The following PIP5K1B variants were observed in gnomAD, a reference collection of about 807,000 sequenced individuals.
The protein encoded by PIP5K1B is phosphatidylinositol 4-phosphate 5-kinase type-1 beta.
PIP5K1B carries 42 observed loss-of-function variants against 67.0 expected under a neutral mutation model. That is an observed-to-expected ratio of 0.63 (90% CI 0.49 to 0.81). The LOEUF (loss-of-function observed/expected upper bound fraction) is 0.81. Ranked by LOEUF, PIP5K1B falls within the 30% of genes least tolerant of loss-of-function variation. The pLI is 0.00. For missense variants in PIP5K1B, 459 were observed against 646.3 expected (o/e 0.71, Z 3.14); for synonymous variants, 214 against 231.4 (o/e 0.92, Z 0.68).
chr9:68,838,952 G>T (rs1402903730), intron 4 of PIP5K1B, among the ~76,000 whole-genome samples: 2 of 152,074 alleles, frequency 1.3e-5, no homozygotes, highest in African/African-American at 2.4e-5. Context: ...AGATGAATGG[G>T]ATCATTTTAT....
At chr9:68,771,746 T>C (rs747961222) in intron 2 of PIP5K1B, among the ~76,000 whole-genome samples, 2 of 152,218 alleles carry the variant, frequency 1.3e-5, no homozygotes, top group East Asian at 3.8e-4. Context: ...AAGGTTACTA[T>C]CTTAGACTTA....
chr9:68,768,455 GAGCAGTGATCATCAAGGGGCAGAAGA>G (rs1830536246), intron 2 of PIP5K1B, among the ~76,000 whole-genome samples: 1 of 152,168 alleles, frequency 6.6e-6, no homozygotes, highest in South Asian at 2.1e-4. Flanking sequence ...GGACTTTATG[GAGCAGTGATCATCAAGGGGCAGAAGA>G]GGAATTCACA....
rs1157521827 is a variant in PIP5K1B at position 68,962,179 on chromosome 9, A to AT, written c.1502+21396dup. Among the ~76,000 whole-genome samples the AT allele has an allele frequency of 3.3e-5, 5 of 152,266 alleles. No homozygotes were observed. In the East Asian group the frequency reaches 9.6e-4, roughly 29 times the overall value. On this transcript the variant is annotated intron_variant, in intron 14 of 15. Coordinates refer to ENST00000265382, the MANE Select transcript of PIP5K1B (RefSeq NM_003558.4). ...CATTACAGTATGAACTATCAAGATC[A>AT]TTTTTTTAATTTAAAATACTGATTT...
At chr9:68,812,818 C>T (rs917378624) in intron 2 of PIP5K1B, among the ~76,000 whole-genome samples, 11 of 152,190 alleles carry the variant, frequency 7.2e-5, no homozygotes, top group African/African-American at 2.7e-4. Flanking sequence ...CAGGTTATCA[C>T]ATAGCTTCCT....
At position 68,780,894 on chromosome 9, in the gene PIP5K1B, C is replaced by T. The variant is rs775618186; in HGVS notation, c.-85-37567C>T. On this transcript the variant is annotated intron_variant, in intron 2 of 15. Transcript: ENST00000265382. Reference sequence around the variant, plus strand: ...TGGTGTGTGTGTATCTTCGGATACCCTTGATGGAAACAGCAGCAGTGCCGG... The same window carrying T: ...TGGTGTGTGTGTATCTTCGGATACCTTTGATGGAAACAGCAGCAGTGCCGG... 2.5e-6 allele frequency: 4 copies of T among 1,614,080 alleles called. No homozygotes were observed. The African/African-American group carries it at 5.3e-5, about 22-fold the overall frequency.
chr9:68,810,017 A>T (rs1833076967), intron 2 of PIP5K1B, among the ~76,000 whole-genome samples: 1 of 152,226 alleles, frequency 6.6e-6, no homozygotes. Flanking sequence ...GGTGTTAGGT[A>T]ATAAAAATGA....
At chr9:68,869,239 G>A (rs1002123667) in intron 5 of PIP5K1B, among the ~76,000 whole-genome samples, 5 of 152,174 alleles carry the variant, frequency 3.3e-5, no homozygotes, top group Non-Finnish European at 5.9e-5. Flanking sequence ...TTACAAGGGC[G>A]AGCTCCGCCT....
intron 4 of PIP5K1B, among the ~76,000 whole-genome samples, chr9:68,838,027 G>T (rs1260743475): frequency 6.7e-6 from 1 of 150,162 alleles, no homozygotes; most frequent in Non-Finnish European, 1.5e-5. Context: ...TTGAATATAT[G>T]TCTGTGTAAC....
intron 9 of PIP5K1B, 147 bp from the exon 10 acceptor site, chr9:68,919,331 CA>C (rs1826252147): frequency 9.3e-6 from 5 of 539,882 alleles, no homozygotes; most frequent in Non-Finnish European, 1.6e-5. Flanking sequence ...CAAAAAGGAA[CA>C]AACAAAAAAA....
chr9:68,961,522 G>A (rs1438190912), intron 14 of PIP5K1B, among the ~76,000 whole-genome samples: 1 of 152,186 alleles, frequency 6.6e-6, no homozygotes, highest in Non-Finnish European at 1.5e-5. Flanking sequence ...AAAGTGCGTG[G>A]CTGGGGCTTG....
At chr9:68,757,729 G>A (rs1829996883) in intron 2 of PIP5K1B, among the ~76,000 whole-genome samples, 2 of 152,088 alleles carry the variant, frequency 1.3e-5, no homozygotes, top group African/African-American at 4.8e-5. Context: ...AAACATTTAT[G>A]TATGTTTGGA....
intron 5 of PIP5K1B, among the ~76,000 whole-genome samples, chr9:68,872,478 T>C (rs1299775464): frequency 1.3e-5 from 2 of 152,172 alleles, no homozygotes; most frequent in African/African-American, 2.4e-5. Flanking sequence ...GAGGGCTCAG[T>C]TTGGGGGAAG....
intron 6 of PIP5K1B, among the ~76,000 whole-genome samples, chr9:68,881,819 G>A (rs1377850758): frequency 6.6e-6 from 1 of 152,132 alleles, no homozygotes; most frequent in Non-Finnish European, 1.5e-5. Flanking sequence ...ATCTCTGCTT[G>A]GGCAACCAGC....
At chr9:68,755,981 G>A (rs1829905296) in intron 2 of PIP5K1B, among the ~76,000 whole-genome samples, 1 of 152,218 alleles carries the variant, frequency 6.6e-6, no homozygotes, top group East Asian at 1.9e-4. Flanking sequence ...GCCTCTGAAA[G>A]CTGGCCCTAC....
chr9:68,849,347 T>C (rs1321942259), intron 4 of PIP5K1B, among the ~76,000 whole-genome samples: 1 of 152,154 alleles, frequency 6.6e-6, no homozygotes, highest in Non-Finnish European at 1.5e-5. Context: ...AAAAGCAAGC[T>C]GAAACAAAGT....
chr9:68,916,743 G>T (rs1228546986), intron 8 of PIP5K1B, among the ~76,000 whole-genome samples: 3 of 151,968 alleles, frequency 2.0e-5, no homozygotes, highest in Non-Finnish European at 4.4e-5. Context: ...GTGGTGGCGG[G>T]CACCTGTAAT....
At chr9:68,965,871 G>A (rs1014283120) in intron 14 of PIP5K1B, among the ~76,000 whole-genome samples, 2 of 151,606 alleles carry the variant, frequency 1.3e-5, no homozygotes, top group Non-Finnish European at 2.9e-5. Context: ...CTATTCAGGA[G>A]GCTGAAGCAG....
chr9:68,840,663 C>G (rs138005999), intron 4 of PIP5K1B, among the ~76,000 whole-genome samples: 226 of 152,262 alleles, frequency 1.5e-3, no homozygotes, highest in African/African-American at 5.3e-3. Flanking sequence ...GATTGAGTCC[C>G]TCTTACATTA....
At chr9:68,742,258 G>A (rs1829047110) in intron 1 of PIP5K1B, 1 of 152,182 alleles carries the variant, frequency 6.6e-6, no homozygotes, top group Non-Finnish European at 1.5e-5. Context: ...ATGGGAAAGT[G>A]CATTCCAAGT....
Sources: gnomAD v4.1 joint callset for allele counts (sites outside exome capture counted in the v4.1 genomes callset) on GRCh38, gnomAD v4.1.1 for gene constraint, MANE v1.5 for transcripts, NCBI Gene and HGNC (gene_info 2026-07-23, HGNC 2026-07-21) for gene names.